The following ZNF91 variants were observed in gnomAD, a reference collection of about 807,000 sequenced individuals.
The protein encoded by ZNF91 is zinc finger protein 91.
Under a neutral mutation model 12.6 loss-of-function variants are expected in ZNF91, and 7 were observed. The observed-to-expected ratio is 0.55, with a 90% CI of 0.31 to 1.04. The LOEUF (loss-of-function observed/expected upper bound fraction) is 1.04, where lower values mean the gene tolerates loss of function less well. Ranked by LOEUF, ZNF91 falls within the 50% of genes least tolerant of loss-of-function variation. ZNF91 has a pLI of 0.05. For missense variants in ZNF91, 1,217 were observed against 1,385.4 expected (o/e 0.88, Z 1.93); for synonymous variants, 453 against 462.6 (o/e 0.98, Z 0.27).
intron 3 of ZNF91, among the ~76,000 whole-genome samples, chr19:23,370,200 C>A (rs890003872): frequency 6.6e-6 from 1 of 151,496 alleles, no homozygotes; most frequent in Non-Finnish European, 1.5e-5. Flanking sequence ...ATATTTGATA[C>A]AACGGAGTAT....
chr19:23,306,529 A>G (rs1230486434), intron 3 of ZNF91, among the ~76,000 whole-genome samples: 2 of 152,132 alleles, frequency 1.3e-5, no homozygotes, highest in Non-Finnish European at 2.9e-5. Context: ...GGGGCATTTC[A>G]ACATATAACT....
At chr19:23,340,429 G>C (rs1968097144) in intron 3 of ZNF91, among the ~76,000 whole-genome samples, 1 of 151,942 alleles carries the variant, frequency 6.6e-6, no homozygotes, top group South Asian at 2.1e-4. Flanking sequence ...TGAAAACCTA[G>C]AAAGAATGAA....
chr19:23,354,930 A>C (rs533780857), downstream of ZNF91, among the ~76,000 whole-genome samples: 1 of 152,328 alleles, frequency 6.6e-6, no homozygotes, highest in South Asian at 2.1e-4. Flanking sequence ...TGTACAAGGA[A>C]AACTACAAAA....
At chr19:23,390,455 G>C (rs1970025631) in intron 1 of ZNF91, among the ~76,000 whole-genome samples, 1 of 152,152 alleles carries the variant, frequency 6.6e-6, no homozygotes, top group African/African-American at 2.4e-5. Flanking sequence ...TGTTCTCCAA[G>C]AACACTTTAT....
chr19:23,384,063 C>T (rs908643672), intron 1 of ZNF91, among the ~76,000 whole-genome samples: 4 of 152,046 alleles, frequency 2.6e-5, no homozygotes, highest in Non-Finnish European at 5.9e-5. Flanking sequence ...TTAGCGAGAT[C>T]GTGCCACTAC....
downstream of ZNF91, among the ~76,000 whole-genome samples, chr19:23,355,449 A>T (rs1968462942): frequency 6.6e-6 from 1 of 152,170 alleles, no homozygotes; most frequent in Non-Finnish European, 1.5e-5. Flanking sequence ...AAAGAAACCA[A>T]CTCAAGATGG....
intron 3 of ZNF91, among the ~76,000 whole-genome samples, chr19:23,367,408 A>T (rs1462273114): frequency 6.6e-6 from 1 of 152,212 alleles, no homozygotes; most frequent in Non-Finnish European, 1.5e-5. Flanking sequence ...AAATCCAAAA[A>T]TACATGAAAA....
intron 1 of ZNF91, among the ~76,000 whole-genome samples, chr19:23,332,253 C>T (rs1425738248): frequency 6.6e-6 from 1 of 152,068 alleles, no homozygotes; most frequent in East Asian, 1.9e-4. Context: ...TGGTTGTTAG[C>T]TTTTTTACAT....
At chr19:23,345,241 A>T (rs1464503764) in intron 3 of ZNF91, among the ~76,000 whole-genome samples, 1 of 152,086 alleles carries the variant, frequency 6.6e-6, no homozygotes, top group Non-Finnish European at 1.5e-5. Flanking sequence ...TCTCTAGCCT[A>T]ACCTCGGTTA....
At chr19:23,341,513 CAAAGCA>C (rs1229195318) in intron 3 of ZNF91, among the ~76,000 whole-genome samples, 1 of 151,800 alleles carries the variant, frequency 6.6e-6, no homozygotes, top group Non-Finnish European at 1.5e-5. Flanking sequence ...ATAGAAAATT[CAAAGCA>C]AAAGCAAGTA....
chr19:23,346,894 T>G (rs771979276), intron 3 of ZNF91, among the ~76,000 whole-genome samples: 5 of 152,206 alleles, frequency 3.3e-5, no homozygotes, highest in Non-Finnish European at 5.9e-5. Context: ...GTATGCTCTA[T>G]TCATAGAAGC....
chr19:23,361,599 T>C lies in ZNF91; in HGVS notation c.1380A>G (p.Lys460=), dbSNP rs1968774222. 2 of 1,613,706 alleles carry C rather than the reference T, an allele frequency of 1.2e-6. No individual in the cohort carries two copies. Among genetic ancestry groups the C allele is most frequent in the Non-Finnish European group, 1.7e-6 (2 of 1,179,828 alleles). Residue 460 remains lysine (K), a synonymous_variant, in exon 4 of 4, where the codon AAA becomes AAG. Transcript: ENST00000300619. ...TGCCACATTCTTTACATTTGAAGGG[T>C]TTCTCTCTAGTATGAAATCTTTTAT... ...TKHKRFHTRE[K]PFKCKECGKA...
intron 1 of ZNF91, among the ~76,000 whole-genome samples, chr19:23,320,636 A>G (rs1967669464): frequency 1.3e-5 from 2 of 152,202 alleles, no homozygotes; most frequent in African/African-American, 2.4e-5. Context: ...CCATGATCCA[A>G]TGACCTGCCT....
chr19:23,352,186 G>A (rs59937738), intron 3 of ZNF91, among the ~76,000 whole-genome samples: 4 of 152,212 alleles, frequency 2.6e-5, no homozygotes, highest in Admixed American at 1.3e-4. Flanking sequence ...AAACAGACTC[G>A]GGGCTGTTGT....
chr19:23,322,120 TG>T (rs1967708897), intron 1 of ZNF91, among the ~76,000 whole-genome samples: 1 of 152,168 alleles, frequency 6.6e-6, no homozygotes, highest in Admixed American at 6.5e-5. Flanking sequence ...CCCTGCCCCT[TG>T]GGGGTGATTG....
At chr19:23,350,996 C>T (rs1968351367) in intron 3 of ZNF91, among the ~76,000 whole-genome samples, 1 of 152,098 alleles carries the variant, frequency 6.6e-6, no homozygotes, top group Admixed American at 6.5e-5. Context: ...AAGAGCCTTG[C>T]AATCCGCACC....
chr19:23,309,270 C>T (rs556038460), intron 1 of ZNF91, among the ~76,000 whole-genome samples: 1 of 152,230 alleles, frequency 6.6e-6, no homozygotes, highest in South Asian at 2.1e-4. Context: ...CCACCAGAGG[C>T]CTTGTGACAT....
chr19:23,363,351 T>C (rs1381474509), intron 3 of ZNF91, among the ~76,000 whole-genome samples: 1 of 152,178 alleles, frequency 6.6e-6, no homozygotes, highest in Non-Finnish European at 1.5e-5. Flanking sequence ...GAATGAAAGT[T>C]TGAGTCTGCT....
downstream of ZNF91, among the ~76,000 whole-genome samples, chr19:23,357,237 A>AAACAACAACAACAAC (rs71163489): frequency 5.9e-5 from 9 of 151,636 alleles, no homozygotes; most frequent in East Asian, 9.7e-4. Context: ...AAAAACAAAC[A>AAACAACAACAACAAC]AACAACAACA....
Sources: gnomAD v4.1 joint callset for allele counts (sites outside exome capture counted in the v4.1 genomes callset) on GRCh38, gnomAD v4.1.1 for gene constraint, MANE v1.5 for transcripts, NCBI Gene and HGNC (gene_info 2026-07-23, HGNC 2026-07-21) for gene names.